AKIRIN2: variants seen among roughly 807,000 people sequenced by gnomAD.
AKIRIN2 encodes akirin-2.
In AKIRIN2, 6 loss-of-function variants were observed where a neutral mutation model predicts 29.3. The ratio of observed to expected loss-of-function variants is 0.20; its 90% CI spans 0.11 to 0.40. The LOEUF is 0.40. Ranked by LOEUF, AKIRIN2 falls within the 10% of genes least tolerant of loss-of-function variation. The pLI is 1.00. For missense variants in AKIRIN2, 210 were observed against 276.1 expected, an observed-to-expected ratio of 0.76 and a Z score of 1.70; for synonymous variants, 128 against 117.5, an observed-to-expected ratio of 1.09 and a Z score of -0.58.
At position 87,675,880 on chromosome 6, in the gene AKIRIN2, T is replaced by C; in HGVS notation, c.581A>G (p.Tyr194Cys). 1 of 1,613,860 alleles carries C rather than the reference T, an allele frequency of 6.2e-7. No individual in the cohort carries two copies. Among genetic ancestry groups the C allele is most frequent in the Non-Finnish European group, 8.5e-7 (1 of 1,179,930 alleles). ...KFTHDQIMRR[Y>C]GEQPASYVS ...CTTACAGCTAGCAGGCTGTTCTCCATATCGTCGCATTATTTGATCATGCGT... is the reference window on the plus strand; with the variant it reads ...CTTACAGCTAGCAGGCTGTTCTCCACATCGTCGCATTATTTGATCATGCGT... Residue 194 changes from tyrosine (Y) to cysteine (C), a missense_variant, in exon 4 of 5, where the codon TAT becomes TGT. Tyr to Cys is a radical substitution (Grantham distance 194). This residue lies in a region of AKIRIN2 where 11 missense variants were observed against 39.6 expected (regional missense o/e 0.28). Transcript: ENST00000257787.
At chr6:87,685,955 C>A (rs1771179268) in intron 1 of AKIRIN2, among the ~76,000 whole-genome samples, 1 of 152,164 alleles carries the variant, frequency 6.6e-6, no homozygotes, top group Non-Finnish European at 1.5e-5. Context: ...TGGCTCACCC[C>A]TTTAATCCCA....
chr6:87,694,541 G>C (rs1214690259), intron 1 of AKIRIN2, among the ~76,000 whole-genome samples: 4 of 152,024 alleles, frequency 2.6e-5, no homozygotes, highest in Non-Finnish European at 5.9e-5. Context: ...TCTAGAAGAA[G>C]AATTTAAATG....
At chr6:87,692,868 T>C (rs548927149) in intron 1 of AKIRIN2, among the ~76,000 whole-genome samples, 2 of 152,220 alleles carry the variant, frequency 1.3e-5, no homozygotes, top group African/African-American at 2.4e-5. Context: ...GGAGTTAGAA[T>C]AGACATCAGT....
At chr6:87,697,971 T>C (rs1771398213) in intron 1 of AKIRIN2, among the ~76,000 whole-genome samples, 1 of 152,176 alleles carries the variant, frequency 6.6e-6, no homozygotes, top group Non-Finnish European at 1.5e-5. Context: ...TGATTGACGG[T>C]CTCTTATAAT....
chr6:87,701,299 G>A (rs776906372), intron 1 of AKIRIN2, 151 bp downstream of exon 1: 7 of 662,668 alleles, frequency 1.1e-5, no homozygotes, highest in South Asian at 2.3e-5. Flanking sequence ...GGGCTACGAG[G>A]ACCTAGTGAA....
chr6:87,698,313 C>A (rs1440496087), intron 1 of AKIRIN2, among the ~76,000 whole-genome samples: 3 of 149,868 alleles, frequency 2.0e-5, no homozygotes, highest in Non-Finnish European at 2.9e-5. Context: ...GTTTTCGGGG[C>A]AATATACTGT....
rs1770959285 is a variant in AKIRIN2, at chr6:87,675,662, A to C, written c.602-55T>G. ...AAAATACAGGTCAAAATCCAAACGA[A>C]TACTAGATCTTGATTCCCAATTTTG... On this transcript the variant is annotated intron_variant, in intron 4 of 4. Transcript: ENST00000257787. The C allele has an allele frequency of 4.4e-6, 7 of 1,602,642 alleles. No individual in the cohort carries two copies. The African/African-American group carries it at 9.4e-5, about 22-fold the overall frequency.
chr6:87,687,855 A>G (rs910921488), intron 1 of AKIRIN2, among the ~76,000 whole-genome samples: 3 of 152,348 alleles, frequency 2.0e-5, no homozygotes, highest in African/African-American at 7.2e-5. Flanking sequence ...GAGTAATAAC[A>G]AAGAAAGCAT....
Position 87,676,428 on chromosome 6 carries a change from T to C in AKIRIN2, c.530-497A>G, listed in dbSNP as rs537471377. Among the ~76,000 whole-genome samples, 657 of 102,334 alleles carry C rather than the reference T, an allele frequency of 6.4e-3. 4 individuals carry two copies. Among genetic ancestry groups the C allele is most frequent in the African/African-American group, 0.025 (611 of 24,370 alleles). 67.1% of individuals were successfully genotyped at this position (102,334 alleles called of 152,430 possible). ...TTGCAGTGAGCCAAGAACGCGCCACTGCACTCCAGCCTGGGCAACAAAAAA... is the reference window on the plus strand; with the variant it reads ...TTGCAGTGAGCCAAGAACGCGCCACCGCACTCCAGCCTGGGCAACAAAAAA... On this transcript the variant is annotated intron_variant, in intron 3 of 4. Coordinates refer to ENST00000257787, the MANE Select transcript of AKIRIN2 (RefSeq NM_018064.4).
At chr6:87,676,042 A>T in intron 3 of AKIRIN2, 111 bp from the exon 4 acceptor site, 1 of 835,664 alleles carries the variant, frequency 1.2e-6, no homozygotes, top group Non-Finnish European at 1.9e-6. Flanking sequence ...AAAATCACTT[A>T]CATAACCTCA....
At chr6:87,691,740 A>G (rs1379199781) in intron 1 of AKIRIN2, among the ~76,000 whole-genome samples, 1 of 152,222 alleles carries the variant, frequency 6.6e-6, no homozygotes, top group Non-Finnish European at 1.5e-5. Context: ...GCCAGCAGGC[A>G]GAATGCTGAA....
chr6:87,695,908 T>C (rs1771352307), intron 1 of AKIRIN2, among the ~76,000 whole-genome samples: 1 of 152,236 alleles, frequency 6.6e-6, no homozygotes, highest in African/African-American at 2.4e-5. Context: ...CCGGGCACAG[T>C]GGCTCAAATC....
chr6:87,695,973 G>A (rs1257918741), intron 1 of AKIRIN2, among the ~76,000 whole-genome samples: 3 of 151,752 alleles, frequency 2.0e-5, no homozygotes, highest in Admixed American at 6.6e-5. Flanking sequence ...AGCCCCAGGA[G>A]TTTGAAACCA....
chr6:87,686,821 G>T (rs1323432236), intron 1 of AKIRIN2, among the ~76,000 whole-genome samples: 1 of 151,842 alleles, frequency 6.6e-6, no homozygotes, highest in Admixed American at 6.6e-5. Flanking sequence ...CAAGGCAGGC[G>T]GATCACCTGA....
intron 1 of AKIRIN2, among the ~76,000 whole-genome samples, chr6:87,692,539 C>T (rs566246710): frequency 1.2e-3 from 187 of 152,322 alleles, no homozygotes; most frequent in African/African-American, 4.3e-3. Flanking sequence ...GGGCTGGGCG[C>T]GGTGGCTCAT....
intron 1 of AKIRIN2, among the ~76,000 whole-genome samples, chr6:87,692,783 C>G (rs1379768836): frequency 1.3e-5 from 2 of 152,198 alleles, no homozygotes; most frequent in Admixed American, 6.5e-5. Flanking sequence ...GCACTCCAGC[C>G]TGGGTGACAG....
chr6:87,681,539 C>T (rs1310560281), intron 2 of AKIRIN2, 81 bp downstream of exon 2: 27 of 1,397,612 alleles, frequency 1.9e-5, no homozygotes, highest in Non-Finnish European at 2.6e-5. Context: ...GATACAGTAG[C>T]TTAAATGACT....
At chr6:87,683,597 A>G (rs920207490) in intron 1 of AKIRIN2, among the ~76,000 whole-genome samples, 2 of 152,204 alleles carry the variant, frequency 1.3e-5, no homozygotes, top group South Asian at 2.1e-4. Context: ...ATAAACACAA[A>G]TATCCTCATT....
chr6:87,677,896 T>A lies in AKIRIN2; in HGVS notation c.451A>T (p.Ile151Phe). The change falls in exon 3 of 5, where the codon ATC (isoleucine) becomes TTC (phenylalanine). Residue 151 changes from isoleucine to phenylalanine, a missense_variant. This residue lies in a region of AKIRIN2 where 199 missense variants were observed against 236.5 expected (regional missense o/e 0.84). Coordinates refer to ENST00000257787, the MANE Select transcript of AKIRIN2 (RefSeq NM_018064.4). ...PLFTLRQVGM[I>F]CERLLKEREE... ...CGTTCTTTCAACAAACGTTCACAGA[T>A]CATCCCAACCTGCCGTAGAGTAAAT... The A allele has an allele frequency of 6.2e-7, 1 of 1,614,158 alleles. No homozygotes were observed. The highest frequency in any genetic ancestry group is 1.1e-5 in the South Asian group (1 of 91,074).
Sources: gnomAD v4.1 joint callset for allele counts (sites outside exome capture counted in the v4.1 genomes callset) on GRCh38, gnomAD v4.1.1 for gene constraint, gnomAD v4.1.1 regional missense constraint, MANE v1.5 for transcripts, NCBI Gene and HGNC (gene_info 2026-07-23, HGNC 2026-07-21) for gene names.